CPXM2: variants seen among roughly 807,000 people sequenced by gnomAD.
The protein encoded by CPXM2 is inactive carboxypeptidase-like protein X2.
A neutral mutation model predicts 86.1 loss-of-function variants in CPXM2; 66 were observed. The ratio of observed to expected loss-of-function variants is 0.77; its 90% CI spans 0.63 to 0.94. The LOEUF is 0.94. Ranked by LOEUF, CPXM2 falls within the 40% of genes least tolerant of loss-of-function variation. The probability of loss-of-function intolerance (pLI) is 0.00; values close to 1 mark genes in which losing one functional copy is unlikely to be tolerated. For missense variants in CPXM2, 948 were observed against 1,026.3 expected (o/e 0.92, Z 1.04); for synonymous variants, 388 against 400.2 (o/e 0.97, Z 0.36).
At chr10:123,826,577 T>C (rs914567738) in intron 4 of CPXM2, among the ~76,000 whole-genome samples, 16 of 152,136 alleles carry the variant, frequency 1.1e-4, no homozygotes, top group Non-Finnish European at 1.8e-4. Context: ...AGGATGTTAA[T>C]AGTATCTGAA....
Position 123,929,743 on chromosome 10 carries a change from T to A in CPXM2, n.174+9734A>T, listed in dbSNP as rs554666932. ...AAGGAACCTGCTGCCCCTTTGGTGG[T>A]AGCCCAGAAAGGCAAGCAGGTCCTG... On this transcript the variant is annotated intron_variant and non_coding_transcript_variant, in intron 2 of 19. Coordinates refer to the CPXM2 transcript ENST00000368854. 2.1e-4 allele frequency among the ~76,000 whole-genome samples: 32 copies of A among 151,648 alleles called. 2 individuals are homozygous for A. The South Asian group carries it at 6.5e-3, about 31-fold the overall frequency.
In CPXM2 at chr10:123,754,608, C is replaced by T; in HGVS notation, c.2017+55G>A. On this transcript the variant is annotated intron_variant, in intron 13 of 13. Coordinates refer to ENST00000241305, the MANE Select transcript of CPXM2 (RefSeq NM_198148.3). The surrounding 1 kb of genome is among the most constrained non-coding windows in gnomAD (Gnocchi z 4.0). ...TCATGATTGTAACCCAAGTAAAATG[C>T]CTAAAAAAATGGGTATTTCTTACCA... is the stretch of plus-strand genomic sequence containing the variant. The T allele has an allele frequency of 1.1e-6, 1 of 939,372 alleles. No homozygotes were observed. Among genetic ancestry groups the T allele is most frequent in the South Asian group, 1.3e-5 (1 of 75,176 alleles). The allele number at this position is 939,372 out of a possible 1,614,324, so 58.2% of individuals were successfully genotyped here. A position where few individuals can be genotyped will look rare whatever the true frequency, so the allele number is the denominator to read the frequency against.
At chr10:123,914,540 C>T (rs774264754) in intron 2 of CPXM2, among the ~76,000 whole-genome samples, 1 of 152,134 alleles carries the variant, frequency 6.6e-6, no homozygotes, top group South Asian at 2.1e-4. Flanking sequence ...AAACTTCACT[C>T]GAAAGGTGAA....
chr10:123,894,382 C>T (rs1252330036), upstream of CPXM2, among the ~76,000 whole-genome samples: 1 of 152,180 alleles, frequency 6.6e-6, no homozygotes. Context: ...TCAATGCTTG[C>T]TTGTTTGTTT....
At chr10:123,823,531 T>C (rs1221699895) in intron 4 of CPXM2, among the ~76,000 whole-genome samples, 1 of 152,196 alleles carries the variant, frequency 6.6e-6, no homozygotes, top group Non-Finnish European at 1.5e-5. Flanking sequence ...GAGTACACTA[T>C]TTGACCTGGC....
upstream of CPXM2, among the ~76,000 whole-genome samples, chr10:123,941,038 G>T (rs1216278208): frequency 6.6e-6 from 1 of 152,202 alleles, no homozygotes; most frequent in Non-Finnish European, 1.5e-5. Flanking sequence ...GGGCGTGCTG[G>T]TGGGTGCCTG....
chr10:123,767,925 T>A (rs890644827), intron 9 of CPXM2, among the ~76,000 whole-genome samples: 1 of 152,228 alleles, frequency 6.6e-6, no homozygotes. Flanking sequence ...CATAAAGTGT[T>A]ACTATTGGAT....
chr10:123,897,068 C>T (rs1253336434), intron 2 of CPXM2, among the ~76,000 whole-genome samples: 1 of 150,588 alleles, frequency 6.6e-6, no homozygotes, highest in African/African-American at 2.5e-5. Context: ...CCTTCCATGC[C>T]CCCCACCCAC....
At chr10:123,764,410 T>C (rs905195755) in intron 10 of CPXM2, among the ~76,000 whole-genome samples, 7 of 151,960 alleles carry the variant, frequency 4.6e-5, no homozygotes, top group South Asian at 4.2e-4. Flanking sequence ...CACCTTTCTA[T>C]AGACAAATCA....
chr10:123,884,455 G>A (rs1203392262), intron 1 of CPXM2, among the ~76,000 whole-genome samples: 1 of 152,180 alleles, frequency 6.6e-6, no homozygotes, highest in Admixed American at 6.5e-5. Context: ...ACACAGGGAG[G>A]AATCACCTGC....
intron 6 of CPXM2, among the ~76,000 whole-genome samples, chr10:123,782,803 T>A (rs1846964988): frequency 6.6e-6 from 1 of 152,206 alleles, no homozygotes; most frequent in African/African-American, 2.4e-5. Flanking sequence ...TGAGACCTGC[T>A]GGGCTGCATT....
chr10:123,895,574 G>A (rs1446688357), upstream of CPXM2, among the ~76,000 whole-genome samples: 2 of 152,248 alleles, frequency 1.3e-5, no homozygotes, highest in Admixed American at 1.3e-4. Flanking sequence ...CTTGCCTAGA[G>A]TCTTTCACGG....
At chr10:123,770,883 AG>A in intron 8 of CPXM2, 32 bp downstream of exon 8, 1 of 1,591,050 alleles carries the variant, frequency 6.3e-7, no homozygotes, top group Non-Finnish European at 8.5e-7. Context: ...CCAAAGATGA[AG>A]GGGCCAAGCA....
At chr10:123,770,887 G>A (rs1846611505) in intron 8 of CPXM2, 29 bp downstream of exon 8, 1 of 1,598,398 alleles carries the variant, frequency 6.3e-7, no homozygotes, top group Non-Finnish European at 8.5e-7. Context: ...AGATGAAGGG[G>A]CCAAGCATCC....
chr10:123,805,544 G>A (rs149183290), intron 4 of CPXM2, among the ~76,000 whole-genome samples: 323 of 151,918 alleles, frequency 2.1e-3, no homozygotes, highest in Non-Finnish European at 3.7e-3. Context: ...GTTTAATTCC[G>A]TTGTGGACAG....
chr10:123,893,711 G>A (rs1945310454), upstream of CPXM2, among the ~76,000 whole-genome samples: 1 of 152,046 alleles, frequency 6.6e-6, no homozygotes, highest in South Asian at 2.1e-4. Flanking sequence ...CACTCCTGGG[G>A]ACTGTTTTAT....
chr10:123,904,910 T>TGA (rs879353583), intron 2 of CPXM2, among the ~76,000 whole-genome samples: 1 of 130,434 alleles, frequency 7.7e-6, no homozygotes, highest in Non-Finnish European at 1.6e-5. Context: ...GAGCTCTGCA[T>TGA]CACACCTGCA....
chr10:123,811,069 C>T (rs1025107933), intron 4 of CPXM2, among the ~76,000 whole-genome samples: 1 of 151,548 alleles, frequency 6.6e-6, no homozygotes, highest in Non-Finnish European at 1.5e-5. Context: ...CTCAAGGTAA[C>T]TGAATATTAA....
At chr10:123,781,823 C>G (rs1229410368) in intron 6 of CPXM2, among the ~76,000 whole-genome samples, 2 of 152,216 alleles carry the variant, frequency 1.3e-5, no homozygotes, top group Non-Finnish European at 2.9e-5. Flanking sequence ...ACATGTTACA[C>G]ACATCTGCCA....
Sources: gnomAD v4.1 joint callset for allele counts (sites outside exome capture counted in the v4.1 genomes callset) on GRCh38, gnomAD v4.1.1 for gene constraint, Gnocchi (gnomAD v3.1) non-coding constraint, MANE v1.5 for transcripts, NCBI Gene and HGNC (gene_info 2026-07-23, HGNC 2026-07-21) for gene names.